Variants in SPART observed in about 807,000 individuals in gnomAD.
SPART encodes spastic paraplegia 20 (Troyer syndrome).
A neutral mutation model predicts 58.7 loss-of-function variants in SPART; 35 were observed. That is an observed-to-expected ratio of 0.60 (90% CI 0.46 to 0.79). The LOEUF is 0.79. Among genes scored for constraint, SPART ranks in the 30% least tolerant of loss-of-function variants. The pLI, the probability that SPART is intolerant of heterozygous loss-of-function variation, is 0.00. For missense variants in SPART, 730 were observed against 786.1 expected, an observed-to-expected ratio of 0.93 and a Z score of 0.85; for synonymous variants, 284 against 280.7, an observed-to-expected ratio of 1.01 and a Z score of -0.12.
At chr13:36,369,278 T>A (rs1886184380) in intron 1 of SPART, among the ~76,000 whole-genome samples, 1 of 152,170 alleles carries the variant, frequency 6.6e-6, no homozygotes, top group Admixed American at 6.5e-5. Flanking sequence ...ATTAGGAGTG[T>A]TGCAATGTAC....
intron 1 of SPART, among the ~76,000 whole-genome samples, chr13:36,357,749 C>T (rs1479339594): frequency 6.6e-6 from 1 of 152,124 alleles, no homozygotes; most frequent in Non-Finnish European, 1.5e-5. Context: ...AGTGCTGGTT[C>T]ACTGTATCAT....
rs761497540 is a variant in SPART at position 36,331,512 on chromosome 13, T to C, written c.895A>G (p.Met299Val). 11 of 1,614,040 alleles carry C rather than the reference T, an allele frequency of 6.8e-6. No individual in the cohort carries two copies. Among genetic ancestry groups the C allele is most frequent in the East Asian group, 4.5e-5 (2 of 44,882 alleles). ...TAGAYMFPDT[M>V]LQAAGCFVGV... The stretch of plus-strand genomic sequence containing the variant: ...ACAAAGCATCCTGCTGCTTGTAGCA[T>C]TGTATCAGGAAACATGTAGGCTCCC... The change falls in exon 3 of 9, where the codon ATG becomes GTG. Residue 299 changes from methionine to valine, a missense_variant. Coordinates refer to ENST00000438666, the MANE Select transcript of SPART (RefSeq NM_015087.5).
In SPART at chr13:36,331,862, C is replaced by T. The variant is rs531065830; in HGVS notation, c.811-266G>A. Among the ~76,000 whole-genome samples the T allele has an allele frequency of 6.6e-5, 10 of 152,190 alleles. No individual in the cohort carries two copies. In the East Asian group the frequency reaches 1.5e-3, roughly 24 times the overall value. ...TCTTAAAGCTGATGGCCTTAACTAG[C>T]CTAGTGTTAACCAATAATGACTCCA... On this transcript the variant is annotated intron_variant, in intron 2 of 8. Transcript: ENST00000438666.
chr13:36,343,484 A>C (rs986068364), intron 1 of SPART, among the ~76,000 whole-genome samples: 7 of 152,224 alleles, frequency 4.6e-5, no homozygotes, highest in African/African-American at 1.7e-4. Context: ...AAATGTTAAT[A>C]TCAATACCAT....
chr13:36,364,797 G>A (rs1478237852), intron 1 of SPART, among the ~76,000 whole-genome samples: 2 of 152,132 alleles, frequency 1.3e-5, no homozygotes, highest in African/African-American at 4.8e-5. Flanking sequence ...TGCAAAAGTT[G>A]ACTTGACCAA....
At chr13:36,357,688 G>T (rs1165518866) in intron 1 of SPART, among the ~76,000 whole-genome samples, 1 of 152,180 alleles carries the variant, frequency 6.6e-6, no homozygotes, top group African/African-American at 2.4e-5. Context: ...CTTATAAAAG[G>T]TTTTTAAATT....
intron 1 of SPART, among the ~76,000 whole-genome samples, chr13:36,353,365 T>C (rs747530394): frequency 1.2e-4 from 18 of 152,148 alleles, no homozygotes; most frequent in Non-Finnish European, 2.6e-4. Flanking sequence ...AAGAAGGCAT[T>C]AGATTTTCTA....
At chr13:36,309,455 T>C (rs577966522) in intron 8 of SPART, among the ~76,000 whole-genome samples, 19 of 152,230 alleles carry the variant, frequency 1.2e-4, no homozygotes, top group Non-Finnish European at 2.5e-4. Context: ...CACTGCACTA[T>C]TCATAACAGC....
chr13:36,305,588 T>C (rs368396886), intron 8 of SPART, among the ~76,000 whole-genome samples: 2 of 152,182 alleles, frequency 1.3e-5, no homozygotes, highest in African/African-American at 2.4e-5. Flanking sequence ...ATCAAATGCA[T>C]AGCAAGTGCT....
At chr13:36,362,206 C>T (rs1409665854) in intron 1 of SPART, among the ~76,000 whole-genome samples, 13 of 152,140 alleles carry the variant, frequency 8.5e-5, no homozygotes. Context: ...CAAAAATTAG[C>T]TGGGCATGGT....
chr13:36,362,718 A>G (rs1259459490), intron 1 of SPART, among the ~76,000 whole-genome samples: 3 of 152,092 alleles, frequency 2.0e-5, no homozygotes, highest in Admixed American at 1.3e-4. Flanking sequence ...TGCCTAAGAT[A>G]GCCCACAGCT....
At position 36,314,400 on chromosome 13, in the gene SPART, C is replaced by T. The variant is rs1176109424; in HGVS notation, c.1310G>A (p.Gly437Asp). 1 of 1,614,052 alleles carries T rather than the reference C, an allele frequency of 6.2e-7. No homozygotes were observed. Among genetic ancestry groups the T allele is most frequent in the Admixed American group, 1.7e-5 (1 of 60,006 alleles). The change falls in exon 6 of 9, where the codon GGT (glycine) becomes GAT (aspartate). Residue 437 changes from glycine (G) to aspartate (D), a missense_variant. Transcript: ENST00000438666. ...ILSGASWVSW[G>D]LVKGAEITGK... is the part of the protein sequence containing the mutation. ...AGTAATCTCAGCACCTTTGACTAAACCCCAACTCACCCAGGAAGCACCTTT... is the reference window on the plus strand; with the variant it reads ...AGTAATCTCAGCACCTTTGACTAAATCCCAACTCACCCAGGAAGCACCTTT...
chr13:36,324,235 T>A (rs1882692266), intron 5 of SPART, among the ~76,000 whole-genome samples: 1 of 152,174 alleles, frequency 6.6e-6, no homozygotes, highest in African/African-American at 2.4e-5. Context: ...TTCCAAATGA[T>A]GTTGGAAATT....
chr13:36,309,972 C>T (rs1880923305), intron 8 of SPART, among the ~76,000 whole-genome samples: 1 of 152,164 alleles, frequency 6.6e-6, no homozygotes, highest in Non-Finnish European at 1.5e-5. Flanking sequence ...CCAGACGGAG[C>T]AGATCGAACC....
chr13:36,351,030 A>G (rs113166762), upstream of SPART, among the ~76,000 whole-genome samples: 1,916 of 152,336 alleles, frequency 0.013, 39 homozygotes, highest in African/African-American at 0.044. Flanking sequence ...TCTAGAATCC[A>G]AGAACCCGAG....
At chr13:36,365,070 G>A (rs1459083614) in intron 1 of SPART, among the ~76,000 whole-genome samples, 2 of 151,954 alleles carry the variant, frequency 1.3e-5, no homozygotes, top group African/African-American at 4.8e-5. Context: ...AACTGCTAGG[G>A]GCTCCCACCA....
chr13:36,353,546 C>G (rs1885504705), intron 1 of SPART, among the ~76,000 whole-genome samples: 1 of 152,096 alleles, frequency 6.6e-6, no homozygotes, highest in Non-Finnish European at 1.5e-5. Context: ...TAGAAAGGCC[C>G]TATTATAGCA....
chr13:36,320,829 C>T (rs1327246405), intron 5 of SPART, among the ~76,000 whole-genome samples: 2 of 152,122 alleles, frequency 1.3e-5, no homozygotes, highest in Admixed American at 6.5e-5. Flanking sequence ...TTAGCCTTCC[C>T]ACCTCAATAC....
chr13:36,331,693 A>T (rs895561487), intron 2 of SPART, 97 bp from the exon 3 acceptor site: 1 of 913,942 alleles, frequency 1.1e-6, no homozygotes, highest in Non-Finnish European at 1.7e-6. Flanking sequence ...TAGAAAATAA[A>T]CACTTCAAAG....
Sources: allele counts gnomAD v4.1 joint callset (sites outside exome capture counted in the v4.1 genomes callset), GRCh38; gene constraint gnomAD v4.1.1; transcripts MANE v1.5; gene names NCBI Gene and HGNC (gene_info 2026-07-23, HGNC 2026-07-21).